The following KIAA1217 variants were observed in gnomAD, a reference collection of about 807,000 sequenced individuals.
The protein encoded by KIAA1217 is sickle tail protein homolog.
A neutral mutation model predicts 163.9 loss-of-function variants in KIAA1217; 88 were observed. The ratio of observed to expected loss-of-function variants is 0.54; its 90% CI spans 0.45 to 0.64. The LOEUF is 0.64. Ranked by LOEUF, KIAA1217 falls within the 30% of genes least tolerant of loss-of-function variation. The pLI, the probability that KIAA1217 is intolerant of heterozygous loss-of-function variation, is 0.00. For missense variants in KIAA1217, 2,372 were observed against 2,475.0 expected (o/e 0.96, Z 0.88); for synonymous variants, 903 against 923.1 (o/e 0.98, Z 0.39).
chr10:23,934,509 T>C (rs1843392651), intron 1 of KIAA1217, among the ~76,000 whole-genome samples: 1 of 141,496 alleles, frequency 7.1e-6, no homozygotes, highest in Admixed American at 7.1e-5. Context: ...TTCTTTTCTT[T>C]TTTTTTTTTA....
intron 2 of KIAA1217, among the ~76,000 whole-genome samples, chr10:24,298,750 A>G (rs960902058): frequency 6.6e-6 from 1 of 152,220 alleles, no homozygotes; most frequent in South Asian, 2.1e-4. Flanking sequence ...GTGAGCCAAG[A>G]TCGCACCACT....
At chr10:24,442,309 C>A (rs1269225588) in intron 5 of KIAA1217, among the ~76,000 whole-genome samples, 1 of 152,184 alleles carries the variant, frequency 6.6e-6, no homozygotes, top group African/African-American at 2.4e-5. Flanking sequence ...ACTCTTCTTC[C>A]TCTTGCCTGT....
intron 1 of KIAA1217, among the ~76,000 whole-genome samples, chr10:23,866,235 C>A (rs973093429): frequency 1.3e-5 from 2 of 152,042 alleles, no homozygotes; most frequent in Non-Finnish European, 2.9e-5. Flanking sequence ...TGATATTAAA[C>A]CTTCTCATCT....
At chr10:24,020,513 A>C (rs965724826) in intron 2 of KIAA1217, among the ~76,000 whole-genome samples, 3 of 152,104 alleles carry the variant, frequency 2.0e-5, no homozygotes, top group Admixed American at 6.6e-5. Context: ...TCACACAGCC[A>C]TGGCTGATTG....
At chr10:23,854,612 G>A (rs990880624) in intron 1 of KIAA1217, among the ~76,000 whole-genome samples, 4 of 152,052 alleles carry the variant, frequency 2.6e-5, no homozygotes, top group South Asian at 2.1e-4. Context: ...TTGACAGTGG[G>A]GTGTTAAAGT....
At chr10:23,758,594 CTCTTT>C (rs1163542417) in intron 1 of KIAA1217, among the ~76,000 whole-genome samples, 2 of 149,164 alleles carry the variant, frequency 1.3e-5, no homozygotes, top group Non-Finnish European at 3.0e-5. Flanking sequence ...TTGATTTTCT[CTCTTT>C]TCTTTTCTCT....
At chr10:23,978,700 A>G (rs1845642011) in intron 1 of KIAA1217, among the ~76,000 whole-genome samples, 1 of 152,208 alleles carries the variant, frequency 6.6e-6, no homozygotes, top group Non-Finnish European at 1.5e-5. Context: ...TACATGAGCT[A>G]CACTGCAAAT....
At chr10:24,152,758 T>C (rs1220254443) in intron 2 of KIAA1217, among the ~76,000 whole-genome samples, 1 of 151,704 alleles carries the variant, frequency 6.6e-6, no homozygotes, top group Non-Finnish European at 1.5e-5. Context: ...TAAAGAAAGA[T>C]TGTGCTGATT....
intron 2 of KIAA1217, among the ~76,000 whole-genome samples, chr10:24,202,968 T>C (rs1243510517): frequency 2.0e-5 from 3 of 152,184 alleles, no homozygotes; most frequent in South Asian, 2.1e-4. Flanking sequence ...GGCTGGAGGA[T>C]TGTTTGAGCC....
At chr10:24,309,672 A>G (rs181239951) in intron 2 of KIAA1217, among the ~76,000 whole-genome samples, 2 of 152,288 alleles carry the variant, frequency 1.3e-5, no homozygotes, top group Admixed American at 1.3e-4. Flanking sequence ...ATAGTGTGTG[A>G]TCCTGAGCCA....
At chr10:24,426,682 G>A (rs1591828211) in intron 3 of KIAA1217, among the ~76,000 whole-genome samples, 1 of 152,196 alleles carries the variant, frequency 6.6e-6, no homozygotes, top group East Asian at 1.9e-4. Context: ...CATCGGTGAG[G>A]TAAATTAATT....
At chr10:23,755,736 C>T (rs1255804380) in intron 1 of KIAA1217, among the ~76,000 whole-genome samples, 2 of 152,114 alleles carry the variant, frequency 1.3e-5, no homozygotes, top group Non-Finnish European at 2.9e-5. Flanking sequence ...CTGTGTATCA[C>T]TGAGAGCCTG....
At chr10:23,819,971 G>C in intron 1 of KIAA1217, among the ~76,000 whole-genome samples, 1 of 152,256 alleles carries the variant, frequency 6.6e-6, no homozygotes, top group Admixed American at 6.5e-5. Flanking sequence ...GTATGATAGT[G>C]CCTATTTCTT....
chr10:24,314,087 A>G (rs2043054679), intron 2 of KIAA1217, among the ~76,000 whole-genome samples: 2 of 151,992 alleles, frequency 1.3e-5, no homozygotes, highest in African/African-American at 2.4e-5. Flanking sequence ...TCCTTCTTGA[A>G]TGATGAAGTC....
At chr10:24,315,929 T>TGGGG (rs11350159) in intron 2 of KIAA1217, among the ~76,000 whole-genome samples, 90 of 141,870 alleles carry the variant, frequency 6.3e-4, no homozygotes, top group African/African-American at 2.2e-3. Flanking sequence ...TTTTATCTAA[T>TGGGG]GGGGGGGGGG....
intron 2 of KIAA1217, among the ~76,000 whole-genome samples, chr10:24,096,843 C>G (rs75479130): frequency 0.029 from 4,411 of 152,216 alleles, 73 homozygotes; most frequent in Middle Eastern, 0.078. Context: ...CCTATCAACC[C>G]CTCTTCTCTA....
intron 1 of KIAA1217, among the ~76,000 whole-genome samples, chr10:23,856,864 A>G (rs919621466): frequency 4.1e-4 from 62 of 152,210 alleles, no homozygotes; most frequent in Non-Finnish European, 7.6e-4. Flanking sequence ...CCCATCGGAA[A>G]AGCGCAGTAT....
intron 2 of KIAA1217, chr10:24,368,964 A>G (rs1471871561): frequency 1.4e-6 from 1 of 698,040 alleles, no homozygotes; most frequent in East Asian, 1.3e-4. Flanking sequence ...TAAAAGTGAG[A>G]ACCGAGGTTC....
intron 17 of KIAA1217, chr10:24,542,356 G>T: frequency 2.9e-6 from 1 of 345,236 alleles, no homozygotes; most frequent in Non-Finnish European, 5.0e-6. Context: ...AATTCTTCAG[G>T]TTTTAAATTC....
Sources: allele counts gnomAD v4.1 joint callset (sites outside exome capture counted in the v4.1 genomes callset), GRCh38; gene constraint gnomAD v4.1.1; transcripts MANE v1.5; gene names NCBI Gene and HGNC (gene_info 2026-07-23, HGNC 2026-07-21).